DMTF1: variants seen among roughly 807,000 people sequenced by gnomAD.
DMTF1 encodes cyclin D binding myb like transcription factor 1.
Under a neutral mutation model 91.1 loss-of-function variants are expected in DMTF1, and 39 were observed. That is an observed-to-expected ratio of 0.43 (90% CI 0.33 to 0.56). DMTF1 has a LOEUF of 0.56. DMTF1 is among the 20% of genes least tolerant of loss of function. The pLI is 0.05. For missense variants in DMTF1, 750 were observed against 914.5 expected (o/e 0.82, Z 2.32); for synonymous variants, 338 against 309.5 (o/e 1.09, Z -0.97).
chr7:87,153,477 G>A (rs1206848841), intron 1 of DMTF1, among the ~76,000 whole-genome samples: 2 of 152,168 alleles, frequency 1.3e-5, no homozygotes, highest in Non-Finnish European at 2.9e-5. Context: ...GCCCTTTTGT[G>A]CAATTGAATG....
intron 1 of DMTF1, among the ~76,000 whole-genome samples, chr7:87,159,953 C>G (rs1445721523): frequency 1.3e-5 from 2 of 152,044 alleles, no homozygotes; most frequent in Non-Finnish European, 2.9e-5. Flanking sequence ...ACATGACTGT[C>G]TTTATTTTGC....
intron 2 of DMTF1, 69 bp downstream of exon 2, chr7:87,163,686 A>G (rs1465245231): frequency 6.6e-6 from 1 of 152,184 alleles, no homozygotes; most frequent in Non-Finnish European, 1.5e-5. Context: ...CATGATTTCC[A>G]TTTACCTTTA....
At chr7:87,182,131 C>T in intron 9 of DMTF1, 97 bp from the exon 10 acceptor site, 2 of 1,573,314 alleles carry the variant, frequency 1.3e-6, no homozygotes, top group Non-Finnish European at 1.7e-6. Context: ...AACTTCCAAA[C>T]CAGTCAAATG....
At position 87,195,718 on chromosome 7, in the gene DMTF1, A is replaced by T. The variant is rs1014491433; in HGVS notation, c.*578A>T. ...CTGATTTAGGCAGGGTAAACAGGAA[A>T]GCATTAAAAGTTAAAATTCACTACA... On this transcript the variant is annotated 3_prime_UTR_variant, in exon 18 of 18. Coordinates refer to ENST00000331242, the MANE Select transcript of DMTF1 (RefSeq NM_001142327.2). 6.6e-6 allele frequency: 1 copy of T among 152,588 alleles called. No individual in the cohort carries two copies. Among genetic ancestry groups the T allele is most frequent in the African/African-American group, 2.4e-5 (1 of 41,430 alleles). The allele number at this position is 152,588 out of a possible 1,614,324, so 9.5% of individuals were successfully genotyped here.
rs767232680 is a variant in DMTF1, at chr7:87,181,354, G to GT, written c.710+20dup. On this transcript the variant is annotated intron_variant, in intron 9 of 17. Transcript: ENST00000331242. ...AGAAGCTCAAGGAGTAAGTTTTAAAGTTTTTTTCATTAATTCTAATTTTTT... is the reference window on the plus strand; with the variant it reads ...AGAAGCTCAAGGAGTAAGTTTTAAAGTTTTTTTTCATTAATTCTAATTTTTT... The GT allele has an allele frequency of 5.4e-5, 66 of 1,215,456 alleles. No homozygotes were observed. The African/African-American group carries it at 6.8e-4, about 13-fold the overall frequency. 75.3% of individuals were successfully genotyped at this position (1,215,456 alleles called of 1,614,324 possible).
chr7:87,154,820 G>T (rs932989888), intron 1 of DMTF1, among the ~76,000 whole-genome samples: 6 of 152,180 alleles, frequency 3.9e-5, no homozygotes, highest in African/African-American at 1.4e-4. Context: ...GTGCTTTAAA[G>T]GTGGGGAGAT....
intron 1 of DMTF1, among the ~76,000 whole-genome samples, chr7:87,159,921 G>GT (rs1791821858): frequency 3.3e-5 from 5 of 152,172 alleles, no homozygotes; most frequent in Admixed American, 1.3e-4. Context: ...ACATTTGATT[G>GT]TTGACCAAAA....
At chr7:87,168,406 G>A (rs1189641536) in intron 4 of DMTF1, among the ~76,000 whole-genome samples, 2 of 151,962 alleles carry the variant, frequency 1.3e-5, no homozygotes, top group South Asian at 2.1e-4. Context: ...ATCTATTTCA[G>A]ACTTTCTGTT....
intron 1 of DMTF1, among the ~76,000 whole-genome samples, chr7:87,158,966 TA>T (rs1791505429): frequency 6.6e-6 from 1 of 151,830 alleles, no homozygotes; most frequent in African/African-American, 2.4e-5. Flanking sequence ...TTTAAAAAAC[TA>T]TTATTTGTTA....
intron 14 of DMTF1, chr7:87,192,579 C>T (rs558294392): frequency 1.3e-5 from 2 of 152,156 alleles, no homozygotes; most frequent in Non-Finnish European, 2.9e-5. Context: ...AGTGCAAATA[C>T]TTTTTTAGAA....
chr7:87,185,959 C>G lies in DMTF1; in HGVS notation c.1180C>G (p.His394Asp), dbSNP rs772523315. 1 of 1,613,784 alleles carries G rather than the reference C, an allele frequency of 6.2e-7. No homozygotes were observed. The highest frequency in any genetic ancestry group is 1.1e-5 in the South Asian group (1 of 91,068). Residue 394 changes from histidine (H) to aspartate (D), a missense_variant, in exon 12 of 18, where the codon CAT (histidine) becomes GAT (aspartate). By Grantham distance (81) the His-to-Asp change is moderately conservative. Around this residue, in one of 3 missense-constraint regions of DMTF1, gnomAD observed 190 missense variants for 343.8 expected, o/e 0.55. Coordinates refer to ENST00000331242, the MANE Select transcript of DMTF1 (RefSeq NM_001142327.2). ...WWTIKRQIAN[H>D]KDVSFPVLIK... ...GACCATCAAAAGGCAAATTGCAAAC[C>G]ATAAGGATGTTTCGTTCCCTGGTAA... is the stretch of plus-strand genomic sequence containing the variant.
chr7:87,174,500 C>G (rs1409978305), intron 6 of DMTF1, 93 bp from the exon 7 acceptor site: 5 of 828,724 alleles, frequency 6.0e-6, no homozygotes, highest in Non-Finnish European at 7.5e-6. Context: ...AAATTTTATC[C>G]CCAAATATAA....
intron 14 of DMTF1, among the ~76,000 whole-genome samples, chr7:87,191,757 A>G (rs1162922063): frequency 6.6e-6 from 1 of 152,168 alleles, no homozygotes; most frequent in Non-Finnish European, 1.5e-5. Context: ...AAAGTAGATC[A>G]GTGGTTTCCT....
chr7:87,193,644 G>A (rs1800452013), intron 15 of DMTF1, 81 bp from the exon 16 acceptor site: 14 of 1,279,474 alleles, frequency 1.1e-5, no homozygotes, highest in Non-Finnish European at 1.5e-5. Flanking sequence ...TGAGAGGTAA[G>A]AGATGTGGGG....
chr7:87,187,580 G>C (rs754618066), intron 12 of DMTF1: 2 of 156,634 alleles, frequency 1.3e-5, no homozygotes. Flanking sequence ...GAGAGGATAA[G>C]CGTATTTTAC....
At chr7:87,190,888 TAAC>T in intron 13 of DMTF1, 54 bp from the exon 14 acceptor site, 3 of 1,461,996 alleles carry the variant, frequency 2.1e-6, no homozygotes, top group Non-Finnish European at 9.4e-7. Context: ...AAACTTAAAT[TAAC>T]AAAACATTTA....
intron 4 of DMTF1, among the ~76,000 whole-genome samples, chr7:87,170,461 T>C (rs79299518): frequency 0.046 from 6,986 of 152,272 alleles, 232 homozygotes; most frequent in Non-Finnish European, 0.066. Context: ...TAGTCTGCTT[T>C]AGCTACACTG....
chr7:87,190,914 C>G, intron 13 of DMTF1, 31 bp from the exon 14 acceptor site: 1 of 1,561,896 alleles, frequency 6.4e-7, no homozygotes. Context: ...GTAAATTATT[C>G]TTACCACAGC....
chr7:87,156,825 A>G (rs954864778), intron 1 of DMTF1, among the ~76,000 whole-genome samples: 49 of 152,182 alleles, frequency 3.2e-4, no homozygotes, highest in African/African-American at 1.1e-3. Flanking sequence ...AGTAGTTTTT[A>G]AAGCATTAGT....
Sources: allele counts gnomAD v4.1 joint callset (sites outside exome capture counted in the v4.1 genomes callset), GRCh38; gene constraint gnomAD v4.1.1; regional missense constraint gnomAD v4.1.1; transcripts MANE v1.5; gene names NCBI Gene and HGNC (gene_info 2026-07-23, HGNC 2026-07-21).